Variants in ROR2 observed in about 807,000 individuals in gnomAD.
ROR2 encodes the protein ROR family WNT receptor 2, also known as tyrosine-protein kinase transmembrane receptor ROR2.
Under a neutral mutation model 74.9 loss-of-function variants are expected in ROR2, and 33 were observed. The ratio of observed to expected loss-of-function variants is 0.44; its 90% CI spans 0.33 to 0.59. ROR2 has a LOEUF of 0.59. ROR2 is among the 20% of genes least tolerant of loss of function. ROR2 has a pLI of 0.02. For synonymous variants in ROR2, 586 were observed against 558.7 expected, an observed-to-expected ratio of 1.05 and a Z score of -0.69; for missense variants, 1,216 against 1,313.8, an observed-to-expected ratio of 0.93 and a Z score of 1.15.
chr9:91,756,172 G>A, intron 3 of ROR2, 71 bp from the exon 4 acceptor site: 1 of 1,521,020 alleles, frequency 6.6e-7, no homozygotes, highest in Non-Finnish European at 9.1e-7. Context: ...TTCAAATCAG[G>A]CCAGTGGCAA....
At chr9:91,810,376 G>A (rs1827709466) in intron 1 of ROR2, among the ~76,000 whole-genome samples, 1 of 152,154 alleles carries the variant, frequency 6.6e-6, no homozygotes, top group African/African-American at 2.4e-5. Flanking sequence ...TCCCAGAGGC[G>A]AGTTTCAGGC....
rs764686424 is a variant in ROR2, at chr9:91,730,890, AAG to A, written c.1183+18_1183+19del. The A allele has an allele frequency of 8.7e-6, 14 of 1,614,002 alleles. No homozygotes were observed. The Admixed American group carries it at 2.0e-4, about 23-fold the overall frequency. ...CACTCAACAATCAACACATTAAAAAAAGAGAGAGAGAATACATACTACACGAG... is the reference window on the plus strand; with the variant it reads ...CACTCAACAATCAACACATTAAAAAAAGAGAGAGAATACATACTACACGAG... On this transcript the variant is annotated intron_variant, in intron 7 of 8. Coordinates refer to ENST00000375708, the MANE Select transcript of ROR2 (RefSeq NM_004560.4).
At chr9:91,856,440 C>T (rs1829290556) in intron 1 of ROR2, among the ~76,000 whole-genome samples, 1 of 152,172 alleles carries the variant, frequency 6.6e-6, no homozygotes, top group Non-Finnish European at 1.5e-5. Flanking sequence ...ACTCCTAGTA[C>T]CTTAGAATGC....
chr9:91,767,805 G>A (rs563842878), intron 2 of ROR2, among the ~76,000 whole-genome samples: 1 of 152,338 alleles, frequency 6.6e-6, no homozygotes, highest in African/African-American at 2.4e-5. Flanking sequence ...GCGAGATGAA[G>A]AAAACCACCT....
chr9:91,814,412 G>A (rs2119116056), intron 1 of ROR2, among the ~76,000 whole-genome samples: 1 of 152,250 alleles, frequency 6.6e-6, no homozygotes, highest in South Asian at 2.1e-4. Flanking sequence ...CCAGGGAGAA[G>A]AGCGGCCATC....
intron 1 of ROR2, among the ~76,000 whole-genome samples, chr9:91,910,966 C>G (rs1051747447): frequency 6.6e-6 from 1 of 152,278 alleles, no homozygotes; most frequent in Non-Finnish European, 1.5e-5. Flanking sequence ...GCCCAGCCAA[C>G]TATGTAATAC....
chr9:91,809,419 T>G (rs1827673430), intron 1 of ROR2, among the ~76,000 whole-genome samples: 1 of 152,226 alleles, frequency 6.6e-6, no homozygotes, highest in Non-Finnish European at 1.5e-5. Context: ...TTCTGTTATT[T>G]CAGCTTCTTT....
chr9:91,861,451 C>A (rs886914032), intron 1 of ROR2, among the ~76,000 whole-genome samples: 3 of 152,144 alleles, frequency 2.0e-5, no homozygotes, highest in Non-Finnish European at 4.4e-5. Context: ...CAGAAATAAA[C>A]CCTCACATTT....
At chr9:91,923,478 C>T (rs558879778) in intron 1 of ROR2, among the ~76,000 whole-genome samples, 1 of 152,312 alleles carries the variant, frequency 6.6e-6, no homozygotes, top group Non-Finnish European at 1.5e-5. Context: ...TCCAGAAATA[C>T]CCAAGGTAAG....
chr9:91,826,644 C>A (rs112303800), intron 1 of ROR2, among the ~76,000 whole-genome samples: 16 of 151,872 alleles, frequency 1.1e-4, no homozygotes, highest in African/African-American at 2.4e-5. Context: ...ATTAGCCGGG[C>A]GTGGTGGTGG....
chr9:91,774,397 C>T (rs551206191), intron 2 of ROR2, among the ~76,000 whole-genome samples: 1 of 152,306 alleles, frequency 6.6e-6, no homozygotes, highest in East Asian at 1.9e-4. Context: ...TTGTTATGGA[C>T]TGAGCAGTGG....
At chr9:91,826,963 T>G (rs1350438338) in intron 1 of ROR2, among the ~76,000 whole-genome samples, 1 of 152,130 alleles carries the variant, frequency 6.6e-6, no homozygotes, top group South Asian at 2.1e-4. Context: ...GAAAGAATAA[T>G]GAAGGAACAA....
In ROR2 at chr9:91,740,601, T is replaced by TATAA. The variant is rs202038013; in HGVS notation, c.495-3084_495-3083insTTAT. Among the ~76,000 whole-genome samples, 66 of 149,952 alleles carry TATAA rather than the reference T, an allele frequency of 4.4e-4. 1 individual carries two copies. In the Middle Eastern group the frequency reaches 0.01, roughly 24 times the overall value. ...GTATATATATATATACATATATATA[T>TATAA]CCCCAAAAAGCCAGATAGAAGTGCT... On this transcript the variant is annotated intron_variant, in intron 4 of 8. Transcript: ENST00000375708.
chr9:91,875,444 G>A (rs1383192691), intron 1 of ROR2, among the ~76,000 whole-genome samples: 1 of 152,182 alleles, frequency 6.6e-6, no homozygotes, highest in Non-Finnish European at 1.5e-5. Flanking sequence ...GCAGAAAATA[G>A]CAAAAGGTCT....
At chr9:91,781,399 C>T (rs539755303) in intron 1 of ROR2, among the ~76,000 whole-genome samples, 3 of 152,282 alleles carry the variant, frequency 2.0e-5, no homozygotes, top group East Asian at 1.9e-4. Context: ...CTCGGCAACA[C>T]GTCAGATCGA....
At chr9:91,785,587 G>T (rs1464460784) in intron 1 of ROR2, among the ~76,000 whole-genome samples, 1 of 152,234 alleles carries the variant, frequency 6.6e-6, no homozygotes, top group African/African-American at 2.4e-5. Flanking sequence ...TGTTCATTTT[G>T]CACGAGGAGT....
At chr9:91,756,621 A>C (rs1825757691) in intron 3 of ROR2, among the ~76,000 whole-genome samples, 1 of 151,496 alleles carries the variant, frequency 6.6e-6, no homozygotes, top group Non-Finnish European at 1.5e-5. Flanking sequence ...TCCCACTGAC[A>C]CCTGACCTCC....
chr9:91,811,306 C>G (rs1322891710), intron 1 of ROR2, among the ~76,000 whole-genome samples: 2 of 152,220 alleles, frequency 1.3e-5, no homozygotes, highest in East Asian at 3.9e-4. Flanking sequence ...GAGCGCAGGG[C>G]CCACATGGGG....
chr9:91,740,516 C>A (rs1253343248), intron 4 of ROR2, among the ~76,000 whole-genome samples: 3 of 149,880 alleles, frequency 2.0e-5, no homozygotes, highest in Non-Finnish European at 4.4e-5. Flanking sequence ...TACGCCACTG[C>A]ACTCCAGCCT....
Sources: gnomAD v4.1 joint callset for allele counts (sites outside exome capture counted in the v4.1 genomes callset) on GRCh38, gnomAD v4.1.1 for gene constraint, MANE v1.5 for transcripts, NCBI Gene and HGNC (gene_info 2026-07-23, HGNC 2026-07-21) for gene names.